MARCHF11: variants seen among roughly 807,000 people sequenced by gnomAD.
MARCHF11 encodes membrane associated ring-CH-type finger 11.
A neutral mutation model predicts 37.3 loss-of-function variants in MARCHF11; 29 were observed. The observed-to-expected ratio is 0.78, with a 90% CI of 0.58 to 1.06. The LOEUF is 1.06. Ranked by LOEUF, MARCHF11 falls within the 50% of genes least tolerant of loss-of-function variation. The probability of loss-of-function intolerance (pLI) is 0.00; values close to 1 mark genes in which losing one functional copy is unlikely to be tolerated. For synonymous variants in MARCHF11, 233 were observed against 228.0 expected (o/e 1.02, Z -0.20); for missense variants, 482 against 533.4 (o/e 0.90, Z 0.95).
chr5:16,144,014 C>A (rs1219720430), intron 2 of MARCHF11, among the ~76,000 whole-genome samples: 3 of 152,196 alleles, frequency 2.0e-5, no homozygotes, highest in Non-Finnish European at 4.4e-5. Context: ...TTGAAGCCAG[C>A]TGAATTTCTT....
At chr5:16,082,771 G>C (rs114543854) in intron 3 of MARCHF11, among the ~76,000 whole-genome samples, 2,097 of 152,272 alleles carry the variant, frequency 0.014, 20 homozygotes, top group Non-Finnish European at 0.022. Context: ...TGTTTAAAGT[G>C]AGCTTCATTC....
intron 2 of MARCHF11, among the ~76,000 whole-genome samples, chr5:16,108,636 C>G (rs1737085956): frequency 6.6e-6 from 1 of 152,000 alleles, no homozygotes; most frequent in Admixed American, 6.6e-5. Flanking sequence ...CCCAGCTGGC[C>G]TGGGGCAGGG....
At chr5:16,129,702 AATAAG>A (rs1737481387) in intron 2 of MARCHF11, among the ~76,000 whole-genome samples, 1 of 152,224 alleles carries the variant, frequency 6.6e-6, no homozygotes, top group Non-Finnish European at 1.5e-5. Flanking sequence ...TGTAGGATGG[AATAAG>A]ATATTTGCAA....
At chr5:16,120,469 A>G (rs951435116) in intron 2 of MARCHF11, among the ~76,000 whole-genome samples, 1 of 152,210 alleles carries the variant, frequency 6.6e-6, no homozygotes, top group African/African-American at 2.4e-5. Flanking sequence ...GTTGCTCTTC[A>G]ATTATTAAGT....
intron 3 of MARCHF11, among the ~76,000 whole-genome samples, chr5:16,086,589 A>G (rs752379462): frequency 6.6e-6 from 1 of 152,194 alleles, no homozygotes; most frequent in Admixed American, 6.5e-5. Flanking sequence ...TACAAGCACT[A>G]CTATCTCTAT....
chr5:16,131,961 C>T lies in MARCHF11; in HGVS notation c.694-40880G>A, dbSNP rs115345667. 7.4e-3 allele frequency among the ~76,000 whole-genome samples: 1,121 copies of T among 152,190 alleles called. 15 individuals are homozygous for T. The highest frequency in any genetic ancestry group is 0.026 in the African/African-American group (1,063 of 41,528). Reference sequence around the variant, plus strand: ...GTAAAGTTCACTAACGTAGAAAGAACGAAAAAGGAAAGCAGTGAAGAAGCC... The same window carrying T: ...GTAAAGTTCACTAACGTAGAAAGAATGAAAAAGGAAAGCAGTGAAGAAGCC... On this transcript the variant is annotated intron_variant, in intron 2 of 3. Coordinates refer to ENST00000332432, the MANE Select transcript of MARCHF11 (RefSeq NM_001102562.3).
chr5:16,168,662 C>T (rs899682082), intron 2 of MARCHF11, among the ~76,000 whole-genome samples: 2 of 152,120 alleles, frequency 1.3e-5, no homozygotes, highest in Non-Finnish European at 2.9e-5. Flanking sequence ...GTGCCCTTCT[C>T]CTTCTTTCCA....
At chr5:16,173,012 A>C (rs1738295801) in intron 2 of MARCHF11, among the ~76,000 whole-genome samples, 1 of 152,232 alleles carries the variant, frequency 6.6e-6, no homozygotes, top group Non-Finnish European at 1.5e-5. Context: ...CTGCTATAAG[A>C]AGATCTGCTG....
intron 2 of MARCHF11, among the ~76,000 whole-genome samples, chr5:16,092,730 A>G (rs2126558100): frequency 6.6e-6 from 1 of 152,352 alleles, no homozygotes; most frequent in African/African-American, 2.4e-5. Flanking sequence ...GTATCCCAGA[A>G]CTTAAAAGTA....
intron 2 of MARCHF11, among the ~76,000 whole-genome samples, chr5:16,142,599 G>A (rs946724144): frequency 2.6e-5 from 4 of 151,918 alleles, no homozygotes; most frequent in East Asian, 3.9e-4. Context: ...TAGGGGACTC[G>A]CACATTTCTG....
intron 2 of MARCHF11, among the ~76,000 whole-genome samples, chr5:16,111,247 G>T (rs1375470968): frequency 6.6e-6 from 1 of 152,202 alleles, no homozygotes; most frequent in East Asian, 1.9e-4. Context: ...GGAACAGTTT[G>T]GAGGGCTCAG....
chr5:16,157,552 GT>G (rs147585385), intron 2 of MARCHF11, among the ~76,000 whole-genome samples: 1,971 of 151,884 alleles, frequency 0.013, 47 homozygotes, highest in African/African-American at 0.045. Flanking sequence ...TGATTAACTG[GT>G]TTTTGACAAA....
intron 2 of MARCHF11, among the ~76,000 whole-genome samples, chr5:16,104,658 C>A (rs1406483040): frequency 6.6e-6 from 1 of 151,090 alleles, no homozygotes; most frequent in Non-Finnish European, 1.5e-5. Context: ...AGAGAGGGAA[C>A]CCCAAGGAAG....
At chr5:16,155,747 A>T (rs542363284) in intron 2 of MARCHF11, among the ~76,000 whole-genome samples, 2 of 151,936 alleles carry the variant, frequency 1.3e-5, no homozygotes, top group African/African-American at 4.8e-5. Context: ...CATTCCTACT[A>T]AGCACTTTGC....
chr5:16,140,597 C>A (rs1056072634), intron 2 of MARCHF11, among the ~76,000 whole-genome samples: 1 of 152,118 alleles, frequency 6.6e-6, no homozygotes, highest in African/African-American at 2.4e-5. Context: ...TGGTTTTGAA[C>A]CTTTCTATGA....
chr5:16,137,865 A>G (rs528663687), intron 2 of MARCHF11, among the ~76,000 whole-genome samples: 2 of 152,336 alleles, frequency 1.3e-5, no homozygotes, highest in South Asian at 4.1e-4. Context: ...GATTTAGGGT[A>G]TCTGGCAGAA....
At chr5:16,144,488 T>G (rs377200113) in intron 2 of MARCHF11, among the ~76,000 whole-genome samples, 3 of 152,292 alleles carry the variant, frequency 2.0e-5, no homozygotes, top group South Asian at 4.1e-4. Context: ...TCTCCAGGAC[T>G]AACCATTCAA....
intron 2 of MARCHF11, among the ~76,000 whole-genome samples, chr5:16,092,011 C>A (rs1736797377): frequency 6.6e-6 from 1 of 152,180 alleles, no homozygotes; most frequent in African/African-American, 2.4e-5. Context: ...GCTATGGCAA[C>A]ATATGGCTTC....
chr5:16,160,893 C>G (rs1738064205), intron 2 of MARCHF11, among the ~76,000 whole-genome samples: 1 of 151,980 alleles, frequency 6.6e-6, no homozygotes, highest in African/African-American at 2.4e-5. Flanking sequence ...TCCAAGAACA[C>G]AACCGTAGTT....
Sources: allele counts gnomAD v4.1 joint callset (sites outside exome capture counted in the v4.1 genomes callset), GRCh38; gene constraint gnomAD v4.1.1; transcripts MANE v1.5; gene names NCBI Gene and HGNC (gene_info 2026-07-23, HGNC 2026-07-21).